The following MAGI1 variants were observed in gnomAD, a reference collection of about 807,000 sequenced individuals.
MAGI1 encodes membrane-associated guanylate kinase, WW and PDZ domain-containing protein 1.
MAGI1 carries 58 observed loss-of-function variants against 139.9 expected under a neutral mutation model. The ratio of observed to expected loss-of-function variants is 0.41; its 90% CI spans 0.34 to 0.52. MAGI1 has a LOEUF of 0.52. Ranked by LOEUF, MAGI1 falls within the 20% of genes least tolerant of loss-of-function variation. The pLI is 0.12. For missense variants in MAGI1, 1,874 were observed against 1,901.6 expected, an observed-to-expected ratio of 0.99 and a Z score of 0.27; for synonymous variants, 812 against 737.9, an observed-to-expected ratio of 1.10 and a Z score of -1.63.
intron 1 of MAGI1, among the ~76,000 whole-genome samples, chr3:65,990,510 G>A (rs2066115840): frequency 6.6e-6 from 1 of 152,154 alleles, no homozygotes; most frequent in Non-Finnish European, 1.5e-5. Context: ...TCAAGCACAT[G>A]CTTCAAGATT....
At chr3:65,494,719 T>C (rs530351543) in intron 2 of MAGI1, among the ~76,000 whole-genome samples, 2 of 152,358 alleles carry the variant, frequency 1.3e-5, no homozygotes, top group East Asian at 3.9e-4. Context: ...ACCGACTATA[T>C]GTGCCTAGTG....
chr3:65,758,194 G>A (rs1413296946), intron 1 of MAGI1, among the ~76,000 whole-genome samples: 3 of 152,182 alleles, frequency 2.0e-5, no homozygotes, highest in Admixed American at 6.5e-5. Flanking sequence ...AGACCCCCTA[G>A]AATGGAGCTG....
intron 1 of MAGI1, among the ~76,000 whole-genome samples, chr3:65,899,588 A>C (rs1354440673): frequency 6.6e-6 from 1 of 152,204 alleles, no homozygotes; most frequent in African/African-American, 2.4e-5. Context: ...TACAGACAAC[A>C]ATACCAGGGG....
At chr3:65,761,110 T>A (rs982623186) in intron 1 of MAGI1, among the ~76,000 whole-genome samples, 4 of 152,218 alleles carry the variant, frequency 2.6e-5, no homozygotes, top group African/African-American at 9.6e-5. Flanking sequence ...TAGATGCAGC[T>A]GAACAACTTA....
chr3:65,841,717 T>G (rs1032423340), intron 1 of MAGI1, among the ~76,000 whole-genome samples: 7 of 152,108 alleles, frequency 4.6e-5, no homozygotes, highest in Non-Finnish European at 1.0e-4. Context: ...TGAGCCACCG[T>G]GCTCGGCCAA....
chr3:65,781,295 A>G (rs567666969), intron 1 of MAGI1, among the ~76,000 whole-genome samples: 6 of 152,352 alleles, frequency 3.9e-5, no homozygotes, highest in African/African-American at 1.4e-4. Flanking sequence ...ACACAATACA[A>G]GATATCTGAC....
chr3:65,547,448 C>A (rs1047323411), intron 2 of MAGI1, among the ~76,000 whole-genome samples: 1 of 152,074 alleles, frequency 6.6e-6, no homozygotes, highest in Non-Finnish European at 1.5e-5. Flanking sequence ...ATACAGGTTA[C>A]CTTATGATTT....
At chr3:66,011,819 C>T (rs1341796954) in intron 1 of MAGI1, among the ~76,000 whole-genome samples, 1 of 138,820 alleles carries the variant, frequency 7.2e-6, no homozygotes, top group Non-Finnish European at 1.5e-5. Flanking sequence ...TCCAGGAAGC[C>T]AGACAATATG....
intron 2 of MAGI1, among the ~76,000 whole-genome samples, chr3:65,531,642 G>C (rs2078716681): frequency 6.6e-6 from 1 of 152,118 alleles, no homozygotes; most frequent in African/African-American, 2.4e-5. Context: ...CTCAGATGAA[G>C]CACTTAGGGC....
At chr3:65,814,115 G>A (rs950067358) in intron 1 of MAGI1, among the ~76,000 whole-genome samples, 1 of 152,108 alleles carries the variant, frequency 6.6e-6, no homozygotes, top group Non-Finnish European at 1.5e-5. Context: ...TGGCACCCCA[G>A]TATCTAGTAA....
chr3:65,669,731 C>T (rs1447661743), intron 1 of MAGI1, among the ~76,000 whole-genome samples: 1 of 152,170 alleles, frequency 6.6e-6, no homozygotes, highest in Non-Finnish European at 1.5e-5. Context: ...AAGCTCTGCT[C>T]TTGTCTGCAG....
At chr3:65,548,511 C>CTTTTTTTTTTTTTTTTTTT (rs1170215972) in intron 2 of MAGI1, among the ~76,000 whole-genome samples, 14 of 87,382 alleles carry the variant, frequency 1.6e-4, no homozygotes, top group East Asian at 7.6e-4. Context: ...AAACAACACT[C>CTTTTTTTTTTTTTTTTTTT]TTTTTTTTTT....
At chr3:65,562,214 A>T (rs1255000182) in intron 2 of MAGI1, among the ~76,000 whole-genome samples, 1 of 152,148 alleles carries the variant, frequency 6.6e-6, no homozygotes, top group Non-Finnish European at 1.5e-5. Flanking sequence ...TGTTGATAAG[A>T]AGGGGACTAC....
rs116133577 is a variant in MAGI1, at chr3:65,768,555, T to C, written c.314-146467A>G. 6.6e-3 allele frequency among the ~76,000 whole-genome samples: 1,004 copies of C among 152,364 alleles called. 8 individuals are homozygous for C. Among genetic ancestry groups the C allele is most frequent in the African/African-American group, 0.022 (909 of 41,584 alleles). On this transcript the variant is annotated intron_variant, in intron 1 of 22. Coordinates refer to ENST00000402939, the MANE Select transcript of MAGI1 (RefSeq NM_001033057.2). Reference sequence around the variant, plus strand: ...CACTAAAGTACCAAAAATAAGACTATTGAAATCAAATAGCAGAAAGTTAGA... The same window carrying C: ...CACTAAAGTACCAAAAATAAGACTACTGAAATCAAATAGCAGAAAGTTAGA...
At chr3:65,580,874 G>A (rs2081386629) in intron 2 of MAGI1, among the ~76,000 whole-genome samples, 1 of 152,042 alleles carries the variant, frequency 6.6e-6, no homozygotes, top group African/African-American at 2.4e-5. Context: ...ACCTCTGCTT[G>A]CATATCTAAT....
At chr3:65,801,739 T>C (rs1287936609) in intron 1 of MAGI1, among the ~76,000 whole-genome samples, 1 of 152,176 alleles carries the variant, frequency 6.6e-6, no homozygotes, top group East Asian at 1.9e-4. Flanking sequence ...ATCTGTTGGG[T>C]AAGAAAATGC....
intron 1 of MAGI1, among the ~76,000 whole-genome samples, chr3:65,941,978 G>T (rs545254199): frequency 6.6e-6 from 1 of 152,202 alleles, no homozygotes; most frequent in South Asian, 2.1e-4. Context: ...TAGAGACAGG[G>T]GTTTCGCCGT....
chr3:65,769,918 C>T (rs1362404712), intron 1 of MAGI1, among the ~76,000 whole-genome samples: 1 of 152,176 alleles, frequency 6.6e-6, no homozygotes, highest in Non-Finnish European at 1.5e-5. Context: ...GATAGCCTCT[C>T]CTGTCAAAAC....
At chr3:65,395,873 G>A (rs1343089937) in intron 13 of MAGI1, among the ~76,000 whole-genome samples, 1 of 151,890 alleles carries the variant, frequency 6.6e-6, no homozygotes, top group Non-Finnish European at 1.5e-5. Flanking sequence ...AAAGTTTGGT[G>A]TCGCTACTGG....
Sources: allele counts gnomAD v4.1 joint callset (sites outside exome capture counted in the v4.1 genomes callset), GRCh38; gene constraint gnomAD v4.1.1; transcripts MANE v1.5; gene names NCBI Gene and HGNC (gene_info 2026-07-23, HGNC 2026-07-21).